The following NFATC2 variants were observed in gnomAD, a reference collection of about 807,000 sequenced individuals.
The protein encoded by NFATC2 is nuclear factor of activated T-cells, cytoplasmic 2.
NFATC2 carries 22 observed loss-of-function variants against 87.3 expected under a neutral mutation model. The ratio of observed to expected loss-of-function variants is 0.25; its 90% CI spans 0.18 to 0.36. NFATC2 has a LOEUF of 0.36. Ranked by LOEUF, NFATC2 falls within the 10% of genes least tolerant of loss-of-function variation. The probability of loss-of-function intolerance (pLI) is 1.00; values close to 1 mark genes in which losing one functional copy is unlikely to be tolerated. For missense variants in NFATC2, 1,149 were observed against 1,259.1 expected, an observed-to-expected ratio of 0.91 and a Z score of 1.32; for synonymous variants, 565 against 542.2, an observed-to-expected ratio of 1.04 and a Z score of -0.58.
intron 9 of NFATC2, among the ~76,000 whole-genome samples, chr20:51,401,722 T>G (rs1255582745): frequency 6.6e-6 from 1 of 151,966 alleles, no homozygotes; most frequent in Non-Finnish European, 1.5e-5. Flanking sequence ...TGGCCTTGCA[T>G]TTTTACCCCA....
chr20:51,543,040 T>C (rs1420755120), upstream of NFATC2, among the ~76,000 whole-genome samples: 1 of 152,104 alleles, frequency 6.6e-6, no homozygotes, highest in South Asian at 2.1e-4. Flanking sequence ...GGCCCCACAC[T>C]TTTTCCTGCT....
chr20:51,522,933 A>T, intron 2 of NFATC2, 148 bp downstream of exon 2: 1 of 1,098,730 alleles, frequency 9.1e-7, no homozygotes, highest in Non-Finnish European at 1.3e-6. Flanking sequence ...CTTCCGTCTC[A>T]GGGTCTCGCA....
chr20:51,447,516 G>A (rs1185472986), intron 6 of NFATC2, among the ~76,000 whole-genome samples: 1 of 152,204 alleles, frequency 6.6e-6, no homozygotes, highest in Non-Finnish European at 1.5e-5. Context: ...CCAAAACATT[G>A]GATCCCACCC....
At chr20:51,463,311 G>T (rs1177287135) in intron 5 of NFATC2, among the ~76,000 whole-genome samples, 1 of 152,194 alleles carries the variant, frequency 6.6e-6, no homozygotes, top group Non-Finnish European at 1.5e-5. Flanking sequence ...AAGGGAGTGG[G>T]GTATGATGTG....
intron 9 of NFATC2, among the ~76,000 whole-genome samples, chr20:51,400,352 G>A (rs766009857): frequency 5.3e-5 from 8 of 151,804 alleles, no homozygotes; most frequent in Non-Finnish European, 8.8e-5. Context: ...TGGAGGAGTC[G>A]TTCGAATCTA....
Position 51,562,533 on chromosome 20 carries a change from G to A in NFATC2, c.70+27C>T, listed in dbSNP as rs779421529. ...AGGGCCGGGAGGAGCGAGCGGAAAA[G>A]GCTGGAAGGGATCGAGAGTCAGTTA... On this transcript the variant is annotated intron_variant, in intron 1 of 10. Coordinates refer to the NFATC2 transcript ENST00000414705. The surrounding 1 kb of genome is among the most constrained non-coding windows in gnomAD (Gnocchi z 5.8). 1 of 1,542,840 alleles carries A rather than the reference G, an allele frequency of 6.5e-7. No homozygotes were observed. The highest frequency in any genetic ancestry group is 1.2e-5 in the South Asian group (1 of 83,556).
At chr20:51,509,021 C>G (rs953066289) in intron 3 of NFATC2, among the ~76,000 whole-genome samples, 1 of 152,084 alleles carries the variant, frequency 6.6e-6, no homozygotes, top group African/African-American at 2.4e-5. Context: ...CACGATCCGC[C>G]CCCCTATCCT....
In NFATC2 at chr20:51,495,533, GATC is replaced by G. The variant is rs778571656; in HGVS notation, c.1333-19876_1333-19874del. ...ACTTGTTGATGTGTGAGTACAGACA[GATC>G]ATCTGTCCTCTCTGGGGAACTGTCT... On this transcript the variant is annotated intron_variant, in intron 3 of 10. Coordinates refer to ENST00000371564, the MANE Select transcript of NFATC2 (RefSeq NM_012340.5). Among the ~76,000 whole-genome samples the G allele has an allele frequency of 2.3e-4, 35 of 152,354 alleles. No homozygotes were observed. In the East Asian group the frequency reaches 4.0e-3, roughly 18 times the overall value.
intron 3 of NFATC2, among the ~76,000 whole-genome samples, chr20:51,490,828 C>T (rs1264965461): frequency 6.6e-6 from 1 of 151,944 alleles, no homozygotes; most frequent in Non-Finnish European, 1.5e-5. Context: ...GACTAAGTAA[C>T]ACAACATTAA....
intron 3 of NFATC2, among the ~76,000 whole-genome samples, chr20:51,511,198 C>G (rs1021499757): frequency 6.6e-6 from 1 of 152,250 alleles, no homozygotes; most frequent in African/African-American, 2.4e-5. Context: ...CCCACCACCC[C>G]CTGTTGCTCC....
chr20:51,433,119 C>T (rs939314638), intron 8 of NFATC2, among the ~76,000 whole-genome samples: 5 of 152,090 alleles, frequency 3.3e-5, no homozygotes, highest in Non-Finnish European at 5.9e-5. Context: ...CTCCTGTCTC[C>T]GCTTGCTTTC....
chr20:51,509,822 T>C (rs1335732575), intron 3 of NFATC2, among the ~76,000 whole-genome samples: 1 of 152,216 alleles, frequency 6.6e-6, no homozygotes, highest in Non-Finnish European at 1.5e-5. Context: ...CCACGTCCCA[T>C]AATCCATTTT....
At chr20:51,455,951 A>ATGG (rs1986462000) in intron 5 of NFATC2, among the ~76,000 whole-genome samples, 17 of 8,832 alleles carry the variant, frequency 1.9e-3, no homozygotes, top group South Asian at 0.012. Flanking sequence ...TGGATGGATG[A>ATGG]GTGGATGGGT....
Position 51,562,551 on chromosome 20 carries a change from G to A in NFATC2, c.70+9C>T, listed in dbSNP as rs989033724. 9 of 1,549,652 alleles carry A rather than the reference G, an allele frequency of 5.8e-6. No individual in the cohort carries two copies. In the African/African-American group the frequency reaches 1.1e-4, roughly 19 times the overall value. ...CGGAAAAGGCTGGAAGGGATCGAGA[G>A]TCAGTTACCTTGGTCCACAGACCCC... On this transcript the variant is annotated intron_variant, in intron 1 of 10. Transcript: ENST00000414705. This position sits in a 1 kb window ranked among gnomAD's most constrained non-coding sequence, Gnocchi z 5.8.
chr20:51,495,231 C>T (rs1340709465), intron 3 of NFATC2, among the ~76,000 whole-genome samples: 1 of 152,146 alleles, frequency 6.6e-6, no homozygotes, highest in Non-Finnish European at 1.5e-5. Context: ...ACAACAGGCA[C>T]GTGCCACCAC....
intron 1 of NFATC2, among the ~76,000 whole-genome samples, chr20:51,541,702 G>T (rs1036770850): frequency 6.6e-6 from 1 of 152,162 alleles, no homozygotes; most frequent in African/African-American, 2.4e-5. Context: ...CAATCCTCTT[G>T]TGAGTGGTAA....
intron 6 of NFATC2, among the ~76,000 whole-genome samples, chr20:51,447,811 G>C (rs978421490): frequency 6.6e-6 from 1 of 152,210 alleles, no homozygotes; most frequent in Non-Finnish European, 1.5e-5. Flanking sequence ...GACCCTGATT[G>C]TTCTGTTTGG....
chr20:51,475,027 A>C (rs971323051), intron 4 of NFATC2, among the ~76,000 whole-genome samples: 1 of 148,524 alleles, frequency 6.7e-6, no homozygotes, highest in African/African-American at 2.5e-5. Context: ...GGAGTGCAGT[A>C]GTGTGATCTC....
intron 3 of NFATC2, among the ~76,000 whole-genome samples, chr20:51,504,269 G>A (rs542877921): frequency 3.0e-4 from 46 of 152,220 alleles, no homozygotes; most frequent in African/African-American, 1.1e-3. Flanking sequence ...TGATCTGCCC[G>A]CCTCAGCCTC....
Sources: allele counts gnomAD v4.1 joint callset (sites outside exome capture counted in the v4.1 genomes callset), GRCh38; gene constraint gnomAD v4.1.1; non-coding constraint Gnocchi (gnomAD v3.1); transcripts MANE v1.5; gene names NCBI Gene and HGNC (gene_info 2026-07-23, HGNC 2026-07-21).